Variants in KCNH2 observed in about 807,000 individuals in gnomAD.
The protein encoded by KCNH2 is voltage-gated inwardly rectifying potassium channel KCNH2.
KCNH2 carries 35 observed loss-of-function variants against 95.9 expected under a neutral mutation model. The observed-to-expected ratio is 0.37, with a 90% CI of 0.28 to 0.48. The LOEUF is 0.48. Among genes scored for constraint, KCNH2 ranks in the 20% least tolerant of loss-of-function variants. KCNH2 has a pLI of 0.99. For synonymous variants in KCNH2, 786 were observed against 754.7 expected (o/e 1.04, Z -0.68); for missense variants, 1,274 against 1,702.9 (o/e 0.75, Z 4.43).
chr7:150,950,161 C>A lies in KCNH2; in HGVS notation c.2398+7G>T. 1 of 807,554 alleles carries A rather than the reference C, an allele frequency of 1.2e-6. No homozygotes were observed. The highest frequency in any genetic ancestry group is 1.3e-5 in the South Asian group (1 of 75,106). 50.0% of individuals were successfully genotyped at this position (807,554 alleles called of 1,614,324 possible). On this transcript the variant is annotated splice_region_variant and intron_variant, in intron 9 of 14. Transcript: ENST00000262186. ...TTCCAGTCCAGTGCCCGCCCCCCACCCCATACCCAGGATGGCCACGACGAC... is the reference window on the plus strand; with the variant it reads ...TTCCAGTCCAGTGCCCGCCCCCCACACCATACCCAGGATGGCCACGACGAC...
chr7:150,975,875 T>C (rs967008580), intron 1 of KCNH2, among the ~76,000 whole-genome samples: 2 of 152,152 alleles, frequency 1.3e-5, no homozygotes, highest in Non-Finnish European at 2.9e-5. Context: ...GCCCCACTTG[T>C]AGGAAAACAG....
chr7:150,955,928 C>T (rs1169905423), intron 5 of KCNH2: 1 of 844,066 alleles, frequency 1.2e-6, no homozygotes, highest in African/African-American at 1.9e-5. Context: ...CCCGCCCAGG[C>T]TCCTGCAGCG....
At chr7:150,973,783 T>C (rs528209388) in intron 2 of KCNH2, among the ~76,000 whole-genome samples, 1 of 152,236 alleles carries the variant, frequency 6.6e-6, no homozygotes, top group African/African-American at 2.4e-5. Flanking sequence ...GCAGACAAGC[T>C]CCCTGAGGGC....
intron 5 of KCNH2, chr7:150,955,686 C>G (rs919419256): frequency 3.3e-5 from 46 of 1,375,746 alleles, no homozygotes; most frequent in Admixed American, 1.2e-4. Flanking sequence ...TGGGGTCACC[C>G]TGGCAGTAAG....
intron 10 of KCNH2, 109 bp from the exon 11 acceptor site, chr7:150,948,652 T>C (rs985753254): frequency 1.0e-5 from 12 of 1,199,558 alleles, no homozygotes; most frequent in African/African-American, 1.5e-5. Flanking sequence ...GCGCCCCAGC[T>C]CTGGGAAAAC....
chr7:150,949,764 C>T (rs1801062597), intron 9 of KCNH2: 1 of 1,196,504 alleles, frequency 8.4e-7, no homozygotes, highest in Admixed American at 3.6e-5. Flanking sequence ...GGCAGGACTC[C>T]CTTTGCTTTG....
At chr7:150,957,534 A>AAG (rs539893769) in intron 4 of KCNH2, 32 bp from the exon 5 acceptor site, 1 of 1,571,176 alleles carries the variant, frequency 6.4e-7, no homozygotes, top group Non-Finnish European at 8.7e-7. Flanking sequence ...TCAGGCCAGC[A>AAG]GCCCAGGGCC....
chr7:150,971,011 T>C (rs1037281548), intron 2 of KCNH2, among the ~76,000 whole-genome samples: 1 of 152,090 alleles, frequency 6.6e-6, no homozygotes, highest in Admixed American at 6.5e-5. Flanking sequence ...AGAAAGTGGG[T>C]GTCTGAGCTG....
In KCNH2 at chr7:150,946,010, C is replaced by A. The variant is rs892316674; in HGVS notation, c.3331-496G>T. ...GCGGGAGGGGTTTGTGGGTACTGAG[C>A]GTCTGCTGGTGAGAGCTCTGCGGGG... is the stretch of plus-strand genomic sequence containing the variant. On this transcript the variant is annotated intron_variant, in intron 14 of 14. Transcript: ENST00000262186. This position sits in a 1 kb window ranked among gnomAD's most constrained non-coding sequence, Gnocchi z 6.5. 6.6e-6 allele frequency among the ~76,000 whole-genome samples: 1 copy of A among 152,084 alleles called. No homozygotes were observed. The highest frequency in any genetic ancestry group is 1.9e-4 in the East Asian group (1 of 5,184).
Position 150,945,637 on chromosome 7 carries a change from T to C in KCNH2, c.3331-123A>G. 1 of 1,044,428 alleles carries C rather than the reference T, an allele frequency of 9.6e-7. No homozygotes were observed. The highest frequency in any genetic ancestry group is 1.4e-6 in the Non-Finnish European group (1 of 694,552). 64.7% of individuals were successfully genotyped at this position (1,044,428 alleles called of 1,614,324 possible). A position where few individuals can be genotyped will look rare whatever the true frequency, so the allele number is the denominator to read the frequency against. ...GAGGACAGGAGGGCCAAGAGGAGAG[T>C]CAGGTGGGCAGAGAAGCTGGAGGGG... On this transcript the variant is annotated intron_variant, in intron 14 of 14. Coordinates refer to ENST00000262186, the MANE Select transcript of KCNH2 (RefSeq NM_000238.4). This position sits in a 1 kb window ranked among gnomAD's most constrained non-coding sequence, Gnocchi z 5.6.
intron 2 of KCNH2, among the ~76,000 whole-genome samples, chr7:150,960,012 T>G (rs1563173513): frequency 6.6e-6 from 1 of 152,228 alleles, no homozygotes; most frequent in Non-Finnish European, 1.5e-5. Context: ...CGGCTGCACT[T>G]TTTCTCACGC....
intron 8 of KCNH2, 100 bp from the exon 9 acceptor site, chr7:150,950,520 A>G (rs769493993): frequency 3.4e-5 from 48 of 1,422,032 alleles, no homozygotes; most frequent in Non-Finnish European, 4.6e-5. Context: ...AGAAATCTCA[A>G]CCTCCAGGCC....
chr7:150,976,618 T>G (rs1440290197), intron 1 of KCNH2, among the ~76,000 whole-genome samples: 1 of 152,050 alleles, frequency 6.6e-6, no homozygotes, highest in Non-Finnish European at 1.5e-5. Flanking sequence ...AATACAGGGA[T>G]GGGACAGAAA....
rs1801437376 is a variant in KCNH2, at chr7:150,958,072, G to A, written c.903C>T (p.Arg301=). The change falls in exon 4 of 15, where the codon CGC becomes CGT. Residue 301 remains arginine, a synonymous_variant. Transcript: ENST00000262186. ...MRAGVLPPPP[R]HASTGAMHPL... is the part of the protein sequence containing the mutation. ...CGGCGCCCTCACCGGTGCTGGCGTG[G>A]CGCGGTGGCGGGGGCAGCACCCCGG... The A allele has an allele frequency of 1.6e-6, 2 of 1,275,052 alleles. No homozygotes were observed. Among genetic ancestry groups the A allele is most frequent in the Non-Finnish European group, 2.0e-6 (2 of 1,014,794 alleles). The allele number at this position is 1,275,052 out of a possible 1,614,324, so 79.0% of individuals were successfully genotyped here. A position where few individuals can be genotyped will look rare whatever the true frequency, so the allele number is the denominator to read the frequency against.
rs942436950 is a variant in KCNH2 at position 150,951,393 on chromosome 7, A to G, written c.1945+55T>C. ...CGGCTAGCAGCCTCAGTTTCCTCCA[A>G]CTTGGGTTCCTCCACCGTGGGCTCT... On this transcript the variant is annotated intron_variant, in intron 7 of 14. Transcript: ENST00000262186. 8.3e-5 allele frequency: 134 copies of G among 1,606,972 alleles called. 1 individual carries two copies. Among genetic ancestry groups the G allele is most frequent in the South Asian group, 6.9e-4 (63 of 90,936 alleles).
chr7:150,973,459 A>G (rs1366963680), intron 2 of KCNH2, among the ~76,000 whole-genome samples: 1 of 152,238 alleles, frequency 6.6e-6, no homozygotes, highest in Non-Finnish European at 1.5e-5. Flanking sequence ...AGAGAAGTAA[A>G]GCATTTGGCC....
chr7:150,947,063 G>A lies in KCNH2; in HGVS notation c.3153-9C>T, dbSNP rs1057520425. On this transcript the variant is annotated splice_polypyrimidine_tract_variant and intron_variant, in intron 13 of 14. Transcript: ENST00000262186. ...TCAGCCGGGTCTCCAGCCTGGGGCAGGAAGTGGGGGATGCTCAGAGAAGTG... is the reference window on the plus strand; with the variant it reads ...TCAGCCGGGTCTCCAGCCTGGGGCAAGAAGTGGGGGATGCTCAGAGAAGTG... 6.9e-6 allele frequency: 11 copies of A among 1,586,682 alleles called. No homozygotes were observed. Among genetic ancestry groups the A allele is most frequent in the South Asian group, 2.3e-5 (2 of 87,584 alleles).
intron 9 of KCNH2, chr7:150,949,388 A>T: frequency 9.3e-7 from 1 of 1,079,030 alleles, no homozygotes; most frequent in Non-Finnish European, 1.2e-6. Context: ...ATCAGAACAC[A>T]GTAGTGAATC....
intron 2 of KCNH2, among the ~76,000 whole-genome samples, chr7:150,965,034 GAGAC>G (rs1328253924): frequency 1.3e-5 from 2 of 152,010 alleles, no homozygotes; most frequent in Non-Finnish European, 2.9e-5. Flanking sequence ...AGGAGGGAGA[GAGAC>G]AGAGACAGGG....
Sources: gnomAD v4.1 joint callset for allele counts (sites outside exome capture counted in the v4.1 genomes callset) on GRCh38, gnomAD v4.1.1 for gene constraint, Gnocchi (gnomAD v3.1) non-coding constraint, MANE v1.5 for transcripts, NCBI Gene and HGNC (gene_info 2026-07-23, HGNC 2026-07-21) for gene names.